Variants in ARID1B observed in about 807,000 individuals in gnomAD.
The protein encoded by ARID1B is AT-rich interactive domain-containing protein 1B.
ARID1B carries 30 observed loss-of-function variants against 212.3 expected under a neutral mutation model. The observed-to-expected ratio is 0.14, with a 90% CI of 0.11 to 0.19. ARID1B has a LOEUF of 0.19. ARID1B is among the 10% of genes least tolerant of loss of function. ARID1B has a pLI of 1.00. For synonymous variants in ARID1B, 1,402 were observed against 1,301.7 expected, an observed-to-expected ratio of 1.08 and a Z score of -1.66; for missense variants, 2,891 against 3,204.0, an observed-to-expected ratio of 0.90 and a Z score of 2.36.
In ARID1B at chr6:156,935,711, A is replaced by G. The variant is rs145885944; in HGVS notation, c.2247+135A>G. 162 of 787,438 alleles carry G rather than the reference A, an allele frequency of 2.1e-4. No homozygotes were observed. The highest frequency in any genetic ancestry group is 3.9e-4 in the East Asian group (14 of 36,136). 48.8% of individuals were successfully genotyped at this position (787,438 alleles called of 1,614,324 possible). ...AGACTTCAGGTTTATTTTGTGGTCA[A>G]TTTTTCAAGGTTTACCTTTTAGGAG... is the stretch of plus-strand genomic sequence containing the variant. On this transcript the variant is annotated intron_variant, in intron 4 of 19. Transcript: ENST00000636930.
chr6:156,896,985 T>C (rs1788455118), intron 2 of ARID1B, among the ~76,000 whole-genome samples: 2 of 152,130 alleles, frequency 1.3e-5, no homozygotes, highest in Admixed American at 6.5e-5. Flanking sequence ...TATGGTGAAA[T>C]GAAAAATGAG....
chr6:156,792,622 C>T (rs930595611), intron 1 of ARID1B, among the ~76,000 whole-genome samples: 6 of 152,070 alleles, frequency 3.9e-5, no homozygotes, highest in Admixed American at 2.6e-4. Flanking sequence ...GGAAGGTTGT[C>T]GTTATAAGAA....
At chr6:157,006,543 A>G (rs1779260881) in intron 4 of ARID1B, among the ~76,000 whole-genome samples, 1 of 152,196 alleles carries the variant, frequency 6.6e-6, no homozygotes, top group South Asian at 2.1e-4. Context: ...TAACTAACCT[A>G]GTTACCAGTA....
At chr6:156,908,669 G>C (rs1022952147) in intron 3 of ARID1B, among the ~76,000 whole-genome samples, 11 of 150,974 alleles carry the variant, frequency 7.3e-5, no homozygotes, top group African/African-American at 2.7e-4. Flanking sequence ...GTACTGCTTT[G>C]GCTGAATCTT....
chr6:157,161,935 G>A (rs886472435), intron 8 of ARID1B, among the ~76,000 whole-genome samples: 5 of 152,190 alleles, frequency 3.3e-5, no homozygotes, highest in Non-Finnish European at 7.3e-5. Flanking sequence ...TGTGCACTGC[G>A]TGATGCTCAT....
chr6:156,884,334 T>C (rs1377500493), intron 2 of ARID1B, among the ~76,000 whole-genome samples: 1 of 152,148 alleles, frequency 6.6e-6, no homozygotes. Flanking sequence ...TTTTTTTTTT[T>C]TTGTAGTTCA....
At chr6:157,024,981 G>A (rs936225846) in intron 4 of ARID1B, among the ~76,000 whole-genome samples, 1 of 152,184 alleles carries the variant, frequency 6.6e-6, no homozygotes, top group Non-Finnish European at 1.5e-5. Context: ...TTGTACAGAC[G>A]ATTTCACCAT....
intron 6 of ARID1B, among the ~76,000 whole-genome samples, chr6:157,123,420 T>C (rs1050745964): frequency 1.3e-5 from 2 of 152,154 alleles, no homozygotes; most frequent in Non-Finnish European, 2.9e-5. Context: ...TCTGGAACCA[T>C]TTATCTGGAA....
intron 4 of ARID1B, among the ~76,000 whole-genome samples, chr6:156,965,517 C>T (rs910542647): frequency 3.3e-5 from 5 of 152,206 alleles, no homozygotes; most frequent in Admixed American, 2.0e-4. Context: ...ACTAAGTCTG[C>T]ACTTAATCCG....
chr6:156,911,716 C>G (rs1789907929), intron 3 of ARID1B, among the ~76,000 whole-genome samples: 1 of 152,188 alleles, frequency 6.6e-6, no homozygotes, highest in Non-Finnish European at 1.5e-5. Context: ...AATGCTCAGG[C>G]ACTTCTCCAT....
chr6:156,983,857 A>T (rs2128385226), intron 4 of ARID1B, among the ~76,000 whole-genome samples: 1 of 152,202 alleles, frequency 6.6e-6, no homozygotes, highest in South Asian at 2.1e-4. Context: ...TGTTCAGGTT[A>T]TACCAGCTGT....
rs779733858 is a variant in ARID1B at position 157,133,106 on chromosome 6, A to T, written c.2660A>T (p.His887Leu). The part of the protein sequence containing the change: ...PQQTGPSMSP[H>L]PSPGGQMHAG... ...CAGACAGGACCATCCATGTCGCCTCATCCTTCTCCTGGGGGCCAGATGCAT... is the reference window on the plus strand; with the variant it reads ...CAGACAGGACCATCCATGTCGCCTCTTCCTTCTCCTGGGGGCCAGATGCAT... Residue 887 changes from histidine (H) to leucine (L), a missense_variant, in exon 7 of 20, where the codon CAT (histidine) becomes CTT (leucine). By Grantham distance (99) the His-to-Leu change is moderately conservative. This residue lies in a region of ARID1B where 1,643 missense variants were observed against 1,544.0 expected (regional missense o/e 1.06). Transcript: ENST00000636930. 3.1e-6 allele frequency: 5 copies of T among 1,614,034 alleles called. No individual in the cohort carries two copies. Among genetic ancestry groups the T allele is most frequent in the East Asian group, 4.5e-5 (2 of 44,892 alleles).
intron 4 of ARID1B, among the ~76,000 whole-genome samples, chr6:157,070,270 T>A (rs1258110005): frequency 6.6e-6 from 1 of 152,148 alleles, no homozygotes; most frequent in Non-Finnish European, 1.5e-5. Context: ...ATAAATATAT[T>A]TTTTGGTTAG....
intron 2 of ARID1B, among the ~76,000 whole-genome samples, chr6:156,879,089 A>G (rs1786827148): frequency 6.6e-6 from 1 of 152,226 alleles, no homozygotes; most frequent in Admixed American, 6.5e-5. Flanking sequence ...GCACCAGCCT[A>G]TCCCGGCTGT....
At chr6:156,840,456 G>A (rs1489318867) in intron 2 of ARID1B, among the ~76,000 whole-genome samples, 4 of 152,186 alleles carry the variant, frequency 2.6e-5, no homozygotes, top group African/African-American at 9.7e-5. Context: ...GTCTAGAGCC[G>A]TACATGGCAT....
At chr6:157,017,670 C>A (rs573652068) in intron 4 of ARID1B, among the ~76,000 whole-genome samples, 1 of 152,050 alleles carries the variant, frequency 6.6e-6, no homozygotes, top group East Asian at 1.9e-4. Context: ...TTCCTGAGAC[C>A]AGACTGCATT....
intron 4 of ARID1B, among the ~76,000 whole-genome samples, chr6:157,038,943 GC>G (rs1781511504): frequency 6.6e-6 from 1 of 151,534 alleles, no homozygotes; most frequent in African/African-American, 2.4e-5. Flanking sequence ...TCACTCTGTT[GC>G]CCAGGCTGGA....
chr6:157,191,707 T>G (rs1256777243), intron 15 of ARID1B, among the ~76,000 whole-genome samples: 1 of 152,236 alleles, frequency 6.6e-6, no homozygotes, highest in Admixed American at 6.5e-5. Context: ...TCTTGCGCAT[T>G]CTTCCAAGTG....
At chr6:156,864,619 T>G (rs1785554724) in intron 2 of ARID1B, among the ~76,000 whole-genome samples, 1 of 152,228 alleles carries the variant, frequency 6.6e-6, no homozygotes, top group Non-Finnish European at 1.5e-5. Context: ...GCGTCCACTT[T>G]CAACCCTTGT....
Sources: gnomAD v4.1 joint callset for allele counts (sites outside exome capture counted in the v4.1 genomes callset) on GRCh38, gnomAD v4.1.1 for gene constraint, gnomAD v4.1.1 regional missense constraint, MANE v1.5 for transcripts, NCBI Gene and HGNC (gene_info 2026-07-23, HGNC 2026-07-21) for gene names.